CDK14: variants seen among roughly 807,000 people sequenced by gnomAD.
CDK14 encodes the protein cyclin dependent kinase 14.
A neutral mutation model predicts 60.7 loss-of-function variants in CDK14; 34 were observed. The observed-to-expected ratio is 0.56, with a 90% confidence interval of 0.43 to 0.75. The LOEUF is 0.75. CDK14 is among the 30% of genes least tolerant of loss of function. The probability of loss-of-function intolerance (pLI) is 0.00; values close to 1 mark genes in which losing one functional copy is unlikely to be tolerated. For missense variants in CDK14, 482 were observed against 564.1 expected, an observed-to-expected ratio of 0.85 and a Z score of 1.47; for synonymous variants, 197 against 203.7, an observed-to-expected ratio of 0.97 and a Z score of 0.28.
intron 2 of CDK14, among the ~76,000 whole-genome samples, chr7:90,656,383 C>CTTTT (rs5885737): frequency 1.4e-5 from 2 of 139,558 alleles, no homozygotes; most frequent in Admixed American, 1.5e-4. Context: ...TTCTTTCTTT[C>CTTTT]TTTTTTTTTT....
chr7:90,726,653 A>G lies in CDK14; in HGVS notation c.210A>G (p.Lys70=), dbSNP rs1366357174. The G allele has an allele frequency of 1.9e-6, 3 of 1,613,794 alleles. No homozygotes were observed. The Admixed American group carries it at 5.0e-5, about 27-fold the overall frequency. ...KPLDTIPEDK[K]VRVQRTQSTF... ...TGGACACAATTCCTGAGGATAAAAA[A>G]GTCAGAGTTCAGAGGACACAGAGCA... is the stretch of plus-strand genomic sequence containing the variant. Residue 70 remains lysine, a synonymous_variant, in exon 3 of 15, where the codon AAA becomes AAG. Coordinates refer to ENST00000380050, the MANE Select transcript of CDK14 (RefSeq NM_001287135.2).
At chr7:91,185,288 C>A (rs1802137196) in intron 14 of CDK14, among the ~76,000 whole-genome samples, 1 of 151,684 alleles carries the variant, frequency 6.6e-6, no homozygotes. Context: ...CAAAACCCAG[C>A]TCAGTTCTAA....
intron 5 of CDK14, among the ~76,000 whole-genome samples, chr7:90,810,538 A>G (rs1020860810): frequency 6.6e-6 from 1 of 152,212 alleles, no homozygotes; most frequent in Non-Finnish European, 1.5e-5. Flanking sequence ...AAAAACTGGA[A>G]GCATTCCCTT....
At chr7:91,170,127 A>T (rs1394224893) in intron 14 of CDK14, among the ~76,000 whole-genome samples, 4 of 152,196 alleles carry the variant, frequency 2.6e-5, no homozygotes, top group Middle Eastern at 3.2e-3. Context: ...TTGCTCTGTG[A>T]TGACACGAGC....
At chr7:90,651,098 G>A (rs971381129) in intron 2 of CDK14, among the ~76,000 whole-genome samples, 5 of 152,166 alleles carry the variant, frequency 3.3e-5, no homozygotes, top group Admixed American at 3.3e-4. Flanking sequence ...AGCATGGAAT[G>A]TTCTTCCATT....
At chr7:91,113,551 A>G (rs1413492891) in intron 13 of CDK14, among the ~76,000 whole-genome samples, 1 of 152,178 alleles carries the variant, frequency 6.6e-6, no homozygotes, top group Non-Finnish European at 1.5e-5. Context: ...TGTTCTTTCC[A>G]AAGAACAATT....
intron 6 of CDK14, among the ~76,000 whole-genome samples, chr7:90,883,806 T>C (rs1434158584): frequency 4.6e-5 from 7 of 152,194 alleles, no homozygotes; most frequent in African/African-American, 1.7e-4. Context: ...ATAAATGTAA[T>C]CCATCACATA....
intron 5 of CDK14, among the ~76,000 whole-genome samples, chr7:90,847,160 A>G (rs1376556972): frequency 6.6e-6 from 1 of 152,194 alleles, no homozygotes; most frequent in Non-Finnish European, 1.5e-5. Flanking sequence ...TGTCTACTCC[A>G]GAGCTAACCT....
At chr7:91,155,173 A>C (rs1800948644) in intron 14 of CDK14, among the ~76,000 whole-genome samples, 1 of 152,196 alleles carries the variant, frequency 6.6e-6, no homozygotes, top group Non-Finnish European at 1.5e-5. Flanking sequence ...AGTAGAGAGA[A>C]GGAACAGCAG....
chr7:91,010,568 A>C (rs1796121663), intron 10 of CDK14, among the ~76,000 whole-genome samples: 1 of 151,998 alleles, frequency 6.6e-6, no homozygotes, highest in Non-Finnish European at 1.5e-5. Flanking sequence ...TATAAAAATG[A>C]AATTGGTTTT....
At chr7:91,098,541 A>G (rs1799073545) in intron 12 of CDK14, among the ~76,000 whole-genome samples, 1 of 149,522 alleles carries the variant, frequency 6.7e-6, no homozygotes, top group Admixed American at 6.7e-5. Flanking sequence ...AAAAAAAAGA[A>G]ATAAAGGCAA....
chr7:90,985,107 G>T (rs927533802), intron 10 of CDK14, among the ~76,000 whole-genome samples: 2 of 152,182 alleles, frequency 1.3e-5, no homozygotes, highest in Non-Finnish European at 2.9e-5. Flanking sequence ...GAAACTGGGC[G>T]AGTGGTATAC....
chr7:91,205,379 C>T (rs1326343103), intron 14 of CDK14, among the ~76,000 whole-genome samples: 1 of 152,150 alleles, frequency 6.6e-6, no homozygotes, highest in Non-Finnish European at 1.5e-5. Flanking sequence ...AGTACTGATT[C>T]ATGCTACAAC....
chr7:90,746,071 A>G (rs192979882), intron 3 of CDK14, among the ~76,000 whole-genome samples: 2 of 152,232 alleles, frequency 1.3e-5, no homozygotes, highest in African/African-American at 2.4e-5. Context: ...TCAACTGTTT[A>G]TGTGTTGATT....
chr7:91,061,805 C>T (rs1054308259), intron 11 of CDK14, among the ~76,000 whole-genome samples: 11 of 152,198 alleles, frequency 7.2e-5, no homozygotes, highest in African/African-American at 2.7e-4. Flanking sequence ...TGTCAGTCTG[C>T]CCCTACTCGG....
intron 7 of CDK14, among the ~76,000 whole-genome samples, chr7:90,911,155 A>G (rs1792886248): frequency 6.6e-6 from 1 of 152,182 alleles, no homozygotes; most frequent in African/African-American, 2.4e-5. Context: ...GGGTTAAATT[A>G]TTGAATGTGT....
intron 14 of CDK14, among the ~76,000 whole-genome samples, chr7:91,186,546 TG>T (rs1802199766): frequency 6.6e-6 from 1 of 151,814 alleles, no homozygotes; most frequent in Admixed American, 6.6e-5. Flanking sequence ...GTTCACTTAT[TG>T]TTTATGTACA....
intron 2 of CDK14, chr7:90,709,768 G>T: frequency 7.1e-7 from 1 of 1,413,008 alleles, no homozygotes; most frequent in Non-Finnish European, 9.2e-7. Context: ...GGGATTTCTG[G>T]GCTTTTTTTT....
At chr7:91,169,865 A>G (rs1036586792) in intron 14 of CDK14, among the ~76,000 whole-genome samples, 5 of 152,252 alleles carry the variant, frequency 3.3e-5, no homozygotes, top group South Asian at 2.1e-4. Context: ...TTAAAAAAAC[A>G]AAAATCCCTA....
Sources: allele counts gnomAD v4.1 joint callset (sites outside exome capture counted in the v4.1 genomes callset), GRCh38; gene constraint gnomAD v4.1.1; transcripts MANE v1.5; gene names NCBI Gene and HGNC (gene_info 2026-07-23, HGNC 2026-07-21).